CSMD1: variants seen among roughly 807,000 people sequenced by gnomAD.
CSMD1 encodes the protein CUB and sushi domain-containing protein 1.
Under a neutral mutation model 417.5 loss-of-function variants are expected in CSMD1, and 213 were observed. The ratio of observed to expected loss-of-function variants is 0.51; its 90% confidence interval spans 0.46 to 0.57. The LOEUF (loss-of-function observed/expected upper bound fraction) is 0.57. Ranked by LOEUF, CSMD1 falls within the 20% of genes least tolerant of loss-of-function variation. The pLI is 0.00. For missense variants in CSMD1, 6,923 were observed against 4,529.7 expected (o/e 1.53, Z -15.17); for synonymous variants, 2,862 against 1,736.8 (o/e 1.65, Z -16.11).
chr8:3,261,288 A>G (rs942344365), intron 26 of CSMD1, among the ~76,000 whole-genome samples: 6 of 152,254 alleles, frequency 3.9e-5, no homozygotes, highest in Non-Finnish European at 2.9e-5. Context: ...TGGTACAGCC[A>G]TTCTGGAAAA....
At chr8:3,844,055 A>C (rs1803319586) in intron 5 of CSMD1, among the ~76,000 whole-genome samples, 1 of 152,130 alleles carries the variant, frequency 6.6e-6, no homozygotes, top group Non-Finnish European at 1.5e-5. Flanking sequence ...AATATAATTA[A>C]ATTTCCATCC....
At chr8:3,515,076 C>T (rs770574905) in intron 10 of CSMD1, among the ~76,000 whole-genome samples, 1 of 152,084 alleles carries the variant, frequency 6.6e-6, no homozygotes, top group Non-Finnish European at 1.5e-5. Context: ...AATAATAATA[C>T]AGTTAATGAA....
intron 2 of CSMD1, among the ~76,000 whole-genome samples, chr8:4,588,239 A>C (rs745513550): frequency 3.9e-5 from 6 of 152,050 alleles, no homozygotes; most frequent in Non-Finnish European, 8.8e-5. Context: ...TTACAACTCA[A>C]TGGCCGTCAG....
intron 2 of CSMD1, among the ~76,000 whole-genome samples, chr8:4,623,729 A>G (rs1376329749): frequency 6.6e-6 from 1 of 152,036 alleles, no homozygotes; most frequent in Non-Finnish European, 1.5e-5. Context: ...AGGCATATAC[A>G]GATGTGTGTG....
intron 7 of CSMD1, among the ~76,000 whole-genome samples, chr8:3,667,908 T>C (rs1399208166): frequency 1.3e-5 from 2 of 152,278 alleles, no homozygotes; most frequent in African/African-American, 2.4e-5. Flanking sequence ...AAAGACTCTG[T>C]ATGTTGCGGA....
At chr8:3,282,093 A>G (rs1178969708) in intron 26 of CSMD1, among the ~76,000 whole-genome samples, 3 of 152,070 alleles carry the variant, frequency 2.0e-5, no homozygotes, top group Non-Finnish European at 4.4e-5. Flanking sequence ...ACTCAATTAA[A>G]CCTCTTTTCT....
intron 5 of CSMD1, among the ~76,000 whole-genome samples, chr8:3,843,760 T>G (rs148637380): frequency 2.0e-5 from 3 of 152,202 alleles, no homozygotes; most frequent in Non-Finnish European, 2.9e-5. Context: ...TTTAAAGCAT[T>G]TGATTCTCAG....
intron 3 of CSMD1, among the ~76,000 whole-genome samples, chr8:4,097,231 C>G (rs542514135): frequency 5.3e-5 from 8 of 152,270 alleles, no homozygotes; most frequent in African/African-American, 1.9e-4. Context: ...AGATAAGTCC[C>G]TTTTGTAGTA....
At chr8:3,477,259 G>C (rs1373164594) in intron 11 of CSMD1, among the ~76,000 whole-genome samples, 1 of 152,210 alleles carries the variant, frequency 6.6e-6, no homozygotes, top group Non-Finnish European at 1.5e-5. Context: ...AAAAGGGGGA[G>C]ATGTGCTAAA....
chr8:4,300,366 C>T (rs144260422), intron 3 of CSMD1, among the ~76,000 whole-genome samples: 3 of 152,076 alleles, frequency 2.0e-5, no homozygotes, highest in Non-Finnish European at 4.4e-5. Context: ...AATATATAAA[C>T]TTTATTTCTC....
At chr8:3,493,530 G>A in intron 11 of CSMD1, 93 bp downstream of exon 11, 4 of 1,057,744 alleles carry the variant, frequency 3.8e-6, no homozygotes, top group Admixed American at 4.4e-5. Flanking sequence ...AACACCTGAG[G>A]CCGAATTACA....
rs865791480 is a variant in CSMD1 at position 3,525,644 on chromosome 8, T to C, written c.1345-31918A>G. Among the ~76,000 whole-genome samples, 4 of 152,280 alleles carry C rather than the reference T, an allele frequency of 2.6e-5. No homozygotes were observed. The South Asian group carries it at 8.3e-4, about 32-fold the overall frequency. On this transcript the variant is annotated intron_variant, in intron 10 of 69. Transcript: ENST00000635120. ...AACCTCTTGCCTGACATTCTATCAA[T>C]CTCATCATGATAGCAATCAATGGAA...
chr8:3,424,090 T>C (rs944708981), intron 12 of CSMD1, among the ~76,000 whole-genome samples: 5 of 152,242 alleles, frequency 3.3e-5, no homozygotes, highest in African/African-American at 4.8e-5. Context: ...GCACCCATTA[T>C]TCAATTATAA....
intron 3 of CSMD1, among the ~76,000 whole-genome samples, chr8:4,188,682 C>T (rs948455888): frequency 1.3e-5 from 2 of 151,822 alleles, no homozygotes; most frequent in Admixed American, 1.3e-4. Context: ...AGTCTTTTAA[C>T]CTTTATAAAA....
At chr8:3,708,613 C>G (rs1801314687) in intron 6 of CSMD1, 122 bp from the exon 7 acceptor site, 1 of 754,926 alleles carries the variant, frequency 1.3e-6, no homozygotes, top group East Asian at 2.6e-5. Context: ...GGGAAATGTT[C>G]TAAGAGGTGA....
chr8:3,044,489 C>T (rs1394004480), intron 50 of CSMD1, among the ~76,000 whole-genome samples: 1 of 152,146 alleles, frequency 6.6e-6, no homozygotes, highest in Non-Finnish European at 1.5e-5. Flanking sequence ...CCTAAATACA[C>T]AGTATATGAT....
rs1380337246 is a variant in CSMD1, at chr8:3,000,987, TC to T, written c.8030-857del. ...TTCCACTCACTCCCACCATTTTTTT[TC>T]TTTTTTTTTTTGGCAGGGTCTTGCT... On this transcript the variant is annotated intron_variant, in intron 52 of 69. Transcript: ENST00000635120. Among the ~76,000 whole-genome samples the T allele has an allele frequency of 1.0e-4, 14 of 140,608 alleles. No homozygotes were observed. The South Asian group carries it at 2.3e-3, about 23-fold the overall frequency. 92.2% of individuals were successfully genotyped at this position (140,608 alleles called of 152,430 possible).
intron 12 of CSMD1, among the ~76,000 whole-genome samples, chr8:3,433,897 A>T (rs1313783875): frequency 6.6e-6 from 1 of 152,178 alleles, no homozygotes; most frequent in East Asian, 1.9e-4. Context: ...AGTCAGCTAG[A>T]AAGTTCCCTG....
intron 10 of CSMD1, among the ~76,000 whole-genome samples, chr8:3,503,548 C>A (rs1499695): frequency 0.64 from 96,790 of 152,108 alleles, 31,027 homozygotes; most frequent in East Asian, 0.8. Context: ...GTTCTCTGGA[C>A]CTTTAAGTAT....
Sources: gnomAD v4.1 joint callset for allele counts (sites outside exome capture counted in the v4.1 genomes callset) on GRCh38, gnomAD v4.1.1 for gene constraint, MANE v1.5 for transcripts, NCBI Gene and HGNC (gene_info 2026-07-23, HGNC 2026-07-21) for gene names.